The following NXNL2 variants were observed in gnomAD, a reference collection of about 807,000 sequenced individuals.
The protein encoded by NXNL2 is nucleoredoxin like 2, also known as nucleoredoxin-like protein 2.
A neutral mutation model predicts 11.1 loss-of-function variants in NXNL2; 7 were observed. That is an observed-to-expected ratio of 0.63 (90% CI 0.36 to 1.18). NXNL2 has a LOEUF of 1.18. NXNL2 is among the 50% of genes most tolerant of loss of function. The pLI, the probability that NXNL2 is intolerant of heterozygous loss-of-function variation, is 0.02. For synonymous variants in NXNL2, 109 were observed against 101.8 expected, an observed-to-expected ratio of 1.07 and a Z score of -0.42; for missense variants, 233 against 217.7, an observed-to-expected ratio of 1.07 and a Z score of -0.44.
At chr9:88,535,866 G>T (rs1385360094) in intron 1 of NXNL2, 130 bp downstream of exon 1, 2 of 701,438 alleles carry the variant, frequency 2.9e-6, no homozygotes, top group East Asian at 2.9e-5. Flanking sequence ...CTCGGTTCAC[G>T]TCCGGACTCC....
intron 1 of NXNL2, among the ~76,000 whole-genome samples, chr9:88,551,817 C>T (rs1829936181): frequency 6.6e-6 from 1 of 152,196 alleles, no homozygotes; most frequent in African/African-American, 2.4e-5. Context: ...ATCCTCTTAT[C>T]TCCTATCAGG....
chr9:88,572,529 A>G (rs963350840), intron 2 of NXNL2, among the ~76,000 whole-genome samples: 1 of 152,052 alleles, frequency 6.6e-6, no homozygotes, highest in Non-Finnish European at 1.5e-5. Context: ...GCCTTTGGAG[A>G]CGCCCTCAGA....
intron 1 of NXNL2, among the ~76,000 whole-genome samples, chr9:88,583,543 C>T (rs961379741): frequency 5.3e-5 from 8 of 152,200 alleles, no homozygotes; most frequent in African/African-American, 9.6e-5. Context: ...CAGACACCCC[C>T]GCTTTGGGGG....
chr9:88,558,631 T>G (rs762657103), intron 1 of NXNL2, among the ~76,000 whole-genome samples: 3 of 152,114 alleles, frequency 2.0e-5, no homozygotes, highest in Non-Finnish European at 4.4e-5. Context: ...CTTGTGGGAC[T>G]GATCCCTTAA....
intron 1 of NXNL2, among the ~76,000 whole-genome samples, chr9:88,563,917 A>C (rs571052499): frequency 1.5e-4 from 23 of 152,198 alleles, no homozygotes; most frequent in Admixed American, 1.3e-3. Flanking sequence ...GTTTCATCAA[A>C]GCCCTTCTCT....
chr9:88,541,066 C>T (rs1487374470), intron 1 of NXNL2, among the ~76,000 whole-genome samples: 1 of 145,950 alleles, frequency 6.9e-6, no homozygotes, highest in East Asian at 2.0e-4. Flanking sequence ...ATGCCTCAGC[C>T]TCCCAAGTAG....
At chr9:88,570,181 T>C (rs1830239603) in intron 1 of NXNL2, among the ~76,000 whole-genome samples, 1 of 152,138 alleles carries the variant, frequency 6.6e-6, no homozygotes, top group African/African-American at 2.4e-5. Context: ...TGCAGGGGTG[T>C]GATCTCAGCC....
At chr9:88,563,036 C>T (rs1196574862) in intron 1 of NXNL2, among the ~76,000 whole-genome samples, 8 of 151,252 alleles carry the variant, frequency 5.3e-5, no homozygotes, top group Non-Finnish European at 7.4e-5. Flanking sequence ...TGCAGTGAGC[C>T]GAGATCATGC....
intron 1 of NXNL2, among the ~76,000 whole-genome samples, chr9:88,562,181 G>C (rs984259658): frequency 1.3e-5 from 2 of 152,204 alleles, no homozygotes; most frequent in African/African-American, 4.8e-5. Context: ...CAGGCACACA[G>C]AGTACATACT....
At chr9:88,544,348 C>G in intron 1 of NXNL2, 31 bp from the exon 2 acceptor site, 1 of 1,533,406 alleles carries the variant, frequency 6.5e-7, no homozygotes, top group South Asian at 1.2e-5. Context: ...TGTGGGAGTG[C>G]TAACTTCGGT....
chr9:88,568,674 G>C (rs952079318), intron 1 of NXNL2, among the ~76,000 whole-genome samples: 2 of 152,156 alleles, frequency 1.3e-5, no homozygotes, highest in African/African-American at 2.4e-5. Flanking sequence ...TCATCTGGTA[G>C]AGCAAATCTT....
chr9:88,551,447 T>C lies in NXNL2; in HGVS notation c.302+15711T>C, dbSNP rs368930960. 2.6e-5 allele frequency among the ~76,000 whole-genome samples: 4 copies of C among 152,166 alleles called. No individual in the cohort carries two copies. The South Asian group carries it at 6.2e-4, about 24-fold the overall frequency. ...TATCTGCTATCATGATTTTAATACA[T>C]ATAAAGAGTTCTTTGTTGTCTGAGT... On this transcript the variant is annotated intron_variant, in intron 1 of 2. Coordinates refer to the NXNL2 transcript ENST00000375855.
downstream of NXNL2, among the ~76,000 whole-genome samples, chr9:88,579,658 G>T (rs1201406342): frequency 6.6e-6 from 1 of 152,160 alleles, no homozygotes; most frequent in Non-Finnish European, 1.5e-5. Context: ...CTCTTTTCTA[G>T]GGCTGGAGTT....
chr9:88,556,080 G>A (rs1300392558), intron 1 of NXNL2, among the ~76,000 whole-genome samples: 1 of 152,206 alleles, frequency 6.6e-6, no homozygotes, highest in Non-Finnish European at 1.5e-5. Context: ...GGAGCCCCAA[G>A]CGGGTGTTAC....
At chr9:88,571,032 C>G (rs796644174) in intron 1 of NXNL2, 2 of 388,264 alleles carry the variant, frequency 5.2e-6, no homozygotes, top group South Asian at 3.8e-5. Flanking sequence ...TGTGAGCCAC[C>G]GGTGCCAGGT....
Position 88,539,018 on chromosome 9 carries a change from C to T in NXNL2, c.302+3282C>T, listed in dbSNP as rs568412041. Among the ~76,000 whole-genome samples, 5 of 152,296 alleles carry T rather than the reference C, an allele frequency of 3.3e-5. No homozygotes were observed. In the South Asian group the frequency reaches 6.2e-4, roughly 19 times the overall value. On this transcript the variant is annotated intron_variant, in intron 1 of 1. Transcript: ENST00000375854. ...CAGCAAACCACAGGCCTGTACTCCC[C>T]GTGCTGTCAGGGGCACCATGCCCAG...
chr9:88,553,477 C>T (rs939405231), intron 1 of NXNL2, among the ~76,000 whole-genome samples: 2 of 152,228 alleles, frequency 1.3e-5, no homozygotes, highest in African/African-American at 4.8e-5. Flanking sequence ...CCCTCCTTCT[C>T]CTTGTCTCTG....
intron 1 of NXNL2, among the ~76,000 whole-genome samples, chr9:88,556,732 A>G (rs1360338857): frequency 6.6e-6 from 1 of 152,100 alleles, no homozygotes; most frequent in Non-Finnish European, 1.5e-5. Context: ...TTCTACTGCT[A>G]TCAACACTTT....
chr9:88,555,859 G>A (rs935486859), intron 1 of NXNL2, among the ~76,000 whole-genome samples: 2 of 152,160 alleles, frequency 1.3e-5, no homozygotes, highest in Non-Finnish European at 2.9e-5. Context: ...AAAGGTGTGT[G>A]AGCCAGTGAG....
Sources: allele counts gnomAD v4.1 joint callset (sites outside exome capture counted in the v4.1 genomes callset), GRCh38; gene constraint gnomAD v4.1.1; transcripts MANE v1.5; gene names NCBI Gene and HGNC (gene_info 2026-07-23, HGNC 2026-07-21).